DPF3: variants seen among roughly 807,000 people sequenced by gnomAD.
DPF3 encodes the protein zinc finger protein DPF3.
Under a neutral mutation model 56.8 loss-of-function variants are expected in DPF3, and 18 were observed. The observed-to-expected ratio is 0.32, with a 90% CI of 0.22 to 0.47. The LOEUF is 0.47. DPF3 is among the 20% of genes least tolerant of loss of function. The probability of loss-of-function intolerance (pLI) is 1.00; values close to 1 mark genes in which losing one functional copy is unlikely to be tolerated. For synonymous variants in DPF3, 188 were observed against 180.2 expected, an observed-to-expected ratio of 1.04 and a Z score of -0.35; for missense variants, 403 against 488.8, an observed-to-expected ratio of 0.82 and a Z score of 1.65.
chr14:72,620,353 G>T (rs896790978), intron 9 of DPF3, among the ~76,000 whole-genome samples: 2 of 152,136 alleles, frequency 1.3e-5, no homozygotes, highest in African/African-American at 4.8e-5. Context: ...TATTCTCCAT[G>T]ACTTTATATA....
chr14:72,741,578 C>T (rs781148328), intron 3 of DPF3, among the ~76,000 whole-genome samples: 1 of 152,260 alleles, frequency 6.6e-6, no homozygotes, highest in East Asian at 1.9e-4. Flanking sequence ...TCTGGCGGAG[C>T]CTCCCTCATC....
In DPF3 at chr14:72,613,258, C is replaced by A. The variant is rs1567174760; in HGVS notation, c.*6039G>T. 6.6e-6 allele frequency among the ~76,000 whole-genome samples: 1 copy of A among 152,204 alleles called. No individual in the cohort carries two copies. The highest frequency in any genetic ancestry group is 1.5e-5 in the Non-Finnish European group (1 of 68,038). On this transcript the variant is annotated 3_prime_UTR_variant, in exon 11 of 11. Coordinates refer to ENST00000556509, the MANE Select transcript of DPF3 (RefSeq NM_001280542.3). Reference sequence around the variant, plus strand: ...GCCATTTCCTACAAGGCCCACTTACCTGCCCTCCCGTCCCCACCATGGCCG... The same window carrying A: ...GCCATTTCCTACAAGGCCCACTTACATGCCCTCCCGTCCCCACCATGGCCG...
intron 3 of DPF3, among the ~76,000 whole-genome samples, chr14:72,741,992 T>C (rs1567218170): frequency 6.6e-6 from 1 of 152,240 alleles, no homozygotes; most frequent in Non-Finnish European, 1.5e-5. Flanking sequence ...CCAGCAGAGC[T>C]GGGGAACACG....
chr14:72,679,906 G>C (rs145564186), intron 7 of DPF3, among the ~76,000 whole-genome samples: 292 of 152,374 alleles, frequency 1.9e-3, no homozygotes, highest in African/African-American at 6.9e-3. Flanking sequence ...GGAGATGAGA[G>C]GGTGGGGAGT....
chr14:72,814,401 T>A (rs2140023455), intron 1 of DPF3, among the ~76,000 whole-genome samples: 1 of 152,302 alleles, frequency 6.6e-6, no homozygotes. Flanking sequence ...TTCTCTACAG[T>A]GCCTGGCACA....
intron 1 of DPF3, among the ~76,000 whole-genome samples, chr14:72,854,873 G>C (rs1885117247): frequency 6.6e-6 from 1 of 152,158 alleles, no homozygotes; most frequent in Non-Finnish European, 1.5e-5. Flanking sequence ...CCAAATTTGC[G>C]ACAAACCAGA....
intron 4 of DPF3, among the ~76,000 whole-genome samples, chr14:72,729,201 T>C (rs922109040): frequency 3.9e-5 from 6 of 151,914 alleles, no homozygotes; most frequent in African/African-American, 1.5e-4. Context: ...CGAGCCGAGA[T>C]TGCACCACTT....
intron 1 of DPF3, among the ~76,000 whole-genome samples, chr14:72,872,134 C>T (rs961324772): frequency 6.6e-6 from 1 of 152,216 alleles, no homozygotes; most frequent in African/African-American, 2.4e-5. Flanking sequence ...TATATGTTGG[C>T]CCCTTTCAGC....
At chr14:72,883,121 A>G (rs975761256) in intron 1 of DPF3, among the ~76,000 whole-genome samples, 3 of 152,192 alleles carry the variant, frequency 2.0e-5, no homozygotes, top group African/African-American at 7.2e-5. Flanking sequence ...TGAGGACAGC[A>G]GGAGTAGGGA....
intron 1 of DPF3, among the ~76,000 whole-genome samples, chr14:72,861,717 AAGAG>A (rs1341209013): frequency 1.2e-4 from 13 of 112,842 alleles, no homozygotes; most frequent in Non-Finnish European, 1.8e-5. Context: ...AGAAAGAAGA[AAGAG>A]AGAGAAAGAA....
At chr14:72,764,855 C>A (rs149858029) in intron 2 of DPF3, among the ~76,000 whole-genome samples, 83 of 152,292 alleles carry the variant, frequency 5.5e-4, no homozygotes, top group African/African-American at 1.9e-3. Context: ...CCATTTATAG[C>A]CCATAGGTCA....
At chr14:72,629,482 G>T (rs1885040539) in intron 9 of DPF3, 142 bp downstream of exon 9, 2 of 675,248 alleles carry the variant, frequency 3.0e-6, no homozygotes, top group Non-Finnish European at 2.5e-6. Flanking sequence ...GAGCCCTCAA[G>T]GGCTAATGGC....
intron 1 of DPF3, among the ~76,000 whole-genome samples, chr14:72,890,798 G>A (rs1004538389): frequency 7.2e-5 from 11 of 152,118 alleles, no homozygotes; most frequent in African/African-American, 2.4e-4. Flanking sequence ...CTTGGTTGTG[G>A]GGGCCACCTG....
At chr14:72,886,034 A>T (rs1886531543) in intron 1 of DPF3, among the ~76,000 whole-genome samples, 1 of 152,186 alleles carries the variant, frequency 6.6e-6, no homozygotes, top group Non-Finnish European at 1.5e-5. Flanking sequence ...GGGGATGGAA[A>T]AGTATTGTTT....
intron 4 of DPF3, 144 bp from the exon 5 acceptor site, chr14:72,723,872 C>A: frequency 1.4e-6 from 1 of 731,676 alleles, no homozygotes; most frequent in Non-Finnish European, 2.2e-6. Flanking sequence ...GTTGGGCCCT[C>A]TGAAATGCTG....
chr14:72,628,689 G>A (rs1169511769), intron 9 of DPF3, among the ~76,000 whole-genome samples: 1 of 150,830 alleles, frequency 6.6e-6, no homozygotes, highest in East Asian at 2.0e-4. Context: ...GAGAGAGAGA[G>A]ATAAAGACAG....
In DPF3 at chr14:72,764,849, T is replaced by C. The variant is rs140112643; in HGVS notation, c.193+6884A>G. ...GAGGGGCAGTCATGGAAACCTCCAT[T>C]TATAGCCCATAGGTCAGAAGCACAG... On this transcript the variant is annotated intron_variant, in intron 2 of 10. Coordinates refer to ENST00000556509, the MANE Select transcript of DPF3 (RefSeq NM_001280542.3). Among the ~76,000 whole-genome samples the C allele has an allele frequency of 5.9e-3, 892 of 152,290 alleles. 3 individuals are homozygous for C. Among genetic ancestry groups the C allele is most frequent in the Non-Finnish European group, 9.5e-3 (643 of 68,016 alleles).
intron 1 of DPF3, among the ~76,000 whole-genome samples, chr14:72,826,304 A>G (rs1883798354): frequency 6.6e-6 from 1 of 152,180 alleles, no homozygotes; most frequent in East Asian, 1.9e-4. Flanking sequence ...GCCCGTAAAC[A>G]ATAGGACCAG....
At chr14:72,837,367 C>T (rs1884339877) in intron 1 of DPF3, among the ~76,000 whole-genome samples, 1 of 152,136 alleles carries the variant, frequency 6.6e-6, no homozygotes, top group South Asian at 2.1e-4. Context: ...CAATGAAAAG[C>T]ATTTTTTTGG....
Sources: allele counts gnomAD v4.1 joint callset (sites outside exome capture counted in the v4.1 genomes callset), GRCh38; gene constraint gnomAD v4.1.1; transcripts MANE v1.5; gene names NCBI Gene and HGNC (gene_info 2026-07-23, HGNC 2026-07-21).